The following ZNF184 variants were observed in gnomAD, a reference collection of about 807,000 sequenced individuals.
ZNF184 encodes the protein zinc finger protein 184.
ZNF184 carries 16 observed loss-of-function variants against 54.4 expected under a neutral mutation model. That is an observed-to-expected ratio of 0.29 (90% CI 0.20 to 0.45). ZNF184 has a LOEUF of 0.45. ZNF184 is among the 20% of genes least tolerant of loss of function. ZNF184 has a pLI of 1.00. For synonymous variants in ZNF184, 254 were observed against 295.3 expected, an observed-to-expected ratio of 0.86 and a Z score of 1.43; for missense variants, 681 against 888.2, an observed-to-expected ratio of 0.77 and a Z score of 2.97.
At chr6:27,411,666 G>GTCAGACCTATT in the ZNF184 span, among the ~76,000 whole-genome samples, 1 of 152,248 alleles carries the variant, frequency 6.6e-6, no homozygotes, top group African/African-American at 2.4e-5. Flanking sequence ...ATCCAGAGAA[G>GTCAGACCTATT]TCAGACCTAT....
At chr6:27,422,211 A>AGAAG in the ZNF184 span, among the ~76,000 whole-genome samples, 1 of 124,614 alleles carries the variant, frequency 8.0e-6, no homozygotes, top group Non-Finnish European at 1.7e-5. Context: ...AAAGAAAGAA[A>AGAAG]GAAAGAAAAG....
At position 27,472,201 on chromosome 6, in the gene ZNF184, C is replaced by G; in HGVS notation, c.7+87G>C. On this transcript the variant is annotated intron_variant, in intron 2 of 5. Transcript: ENST00000683788. This position sits in a 1 kb window ranked among gnomAD's most constrained non-coding sequence, Gnocchi z 4.8. ...ATACCGTTCCTTCCTTCCAAATCTCCTGCTCTGATCTCAAGTATTTGATAC... is the reference window on the plus strand; with the variant it reads ...ATACCGTTCCTTCCTTCCAAATCTCGTGCTCTGATCTCAAGTATTTGATAC... 6.4e-7 allele frequency: 1 copy of G among 1,566,112 alleles called. No individual in the cohort carries two copies. The highest frequency in any genetic ancestry group is 8.8e-7 in the Non-Finnish European group (1 of 1,142,500).
At chr6:27,421,292 A>C in the ZNF184 span, among the ~76,000 whole-genome samples, 1 of 152,248 alleles carries the variant, frequency 6.6e-6, no homozygotes, top group Admixed American at 6.5e-5. Flanking sequence ...GTACCATTGA[A>C]GGAAGTTGAT....
chr6:27,411,028 CT>C, the ZNF184 span, among the ~76,000 whole-genome samples: 2 of 152,178 alleles, frequency 1.3e-5, no homozygotes, highest in South Asian at 4.1e-4. Context: ...ACAACAAAAA[CT>C]TGTGTGGAGT....
downstream of ZNF184, among the ~76,000 whole-genome samples, chr6:27,449,819 T>C (rs929507581): frequency 6.6e-6 from 1 of 152,034 alleles, no homozygotes; most frequent in Non-Finnish European, 1.5e-5. Context: ...ATTAAGAAAC[T>C]AATGTTGGTA....
chr6:27,455,373 G>C (rs1323844800), intron 5 of ZNF184, among the ~76,000 whole-genome samples: 2 of 151,918 alleles, frequency 1.3e-5, no homozygotes, highest in Non-Finnish European at 2.9e-5. Flanking sequence ...AAATCTTTCT[G>C]GTAAAAAGTA....
the ZNF184 span, among the ~76,000 whole-genome samples, chr6:27,413,881 T>C: frequency 0.088 from 13,414 of 152,238 alleles, 742 homozygotes; most frequent in African/African-American, 0.14. Context: ...TCTCACCTTT[T>C]CTATTCAGAT....
At chr6:27,423,052 G>A in the ZNF184 span, among the ~76,000 whole-genome samples, 1 of 152,238 alleles carries the variant, frequency 6.6e-6, no homozygotes, top group Non-Finnish European at 1.5e-5. Context: ...GGCCTCGGAG[G>A]GAGGCCTAGC....
chr6:27,417,219 T>C, the ZNF184 span, among the ~76,000 whole-genome samples: 1 of 152,190 alleles, frequency 6.6e-6, no homozygotes, highest in South Asian at 2.1e-4. Context: ...TAAGAGGAAA[T>C]TACTGCACAT....
chr6:27,407,997 A>G, the ZNF184 span: 73 of 1,441,160 alleles, frequency 5.1e-5, no homozygotes, highest in Admixed American at 6.7e-5. Flanking sequence ...ACTGCAGTAG[A>G]TGTTATTTGT....
At chr6:27,422,671 G>A in the ZNF184 span, among the ~76,000 whole-genome samples, 514 of 152,220 alleles carry the variant, frequency 3.4e-3, 3 homozygotes, top group African/African-American at 0.012. Flanking sequence ...AAAAGCTCTA[G>A]GTCAGGTCTG....
At chr6:27,422,437 T>C in the ZNF184 span, among the ~76,000 whole-genome samples, 18 of 152,242 alleles carry the variant, frequency 1.2e-4, no homozygotes, top group African/African-American at 4.3e-4. Context: ...TCTTCTTCCC[T>C]TTAACCTTAT....
the ZNF184 span, among the ~76,000 whole-genome samples, chr6:27,433,995 T>TTCCTTCCTTCCTTC: frequency 2.0e-3 from 67 of 32,958 alleles, no homozygotes; most frequent in African/African-American, 6.4e-3. Flanking sequence ...CCTTCCTTCC[T>TTCCTTCCTTCCTTC]CTCTTTTCTT....
At chr6:27,424,154 C>T in the ZNF184 span, among the ~76,000 whole-genome samples, 1 of 152,162 alleles carries the variant, frequency 6.6e-6, no homozygotes, top group Non-Finnish European at 1.5e-5. Flanking sequence ...AGTGAAGCTG[C>T]AGACCTTTGC....
the ZNF184 span, among the ~76,000 whole-genome samples, chr6:27,424,865 C>T: frequency 6.6e-6 from 1 of 152,292 alleles, no homozygotes; most frequent in East Asian, 1.9e-4. Flanking sequence ...GACTGGGCGC[C>T]GTGGAACAGG....
At chr6:27,445,676 C>G in the ZNF184 span, among the ~76,000 whole-genome samples, 2 of 134,868 alleles carry the variant, frequency 1.5e-5, no homozygotes, top group African/African-American at 5.6e-5. Context: ...GCCAAATAAA[C>G]TTCTATTCTT....
downstream of ZNF184, among the ~76,000 whole-genome samples, chr6:27,445,901 G>A (rs908212155): frequency 2.6e-5 from 4 of 152,154 alleles, no homozygotes; most frequent in East Asian, 1.9e-4. Flanking sequence ...TAACAGTGAC[G>A]AACTGGGATA....
the ZNF184 span, among the ~76,000 whole-genome samples, chr6:27,442,371 G>A: frequency 0.048 from 7,331 of 152,200 alleles, 258 homozygotes; most frequent in Non-Finnish European, 0.072. Context: ...TGTAATCCCA[G>A]TATTTTGGGA....
rs1762706295 is a variant in ZNF184 at position 27,451,220 on chromosome 6, A to C, written c.*83T>G. 6.8e-7 allele frequency: 1 copy of C among 1,466,334 alleles called. No homozygotes were observed. The highest frequency in any genetic ancestry group is 9.1e-7 in the Non-Finnish European group (1 of 1,097,622). 90.8% of individuals were successfully genotyped at this position (1,466,334 alleles called of 1,614,324 possible). ...TTAAAAGATTTCAAGGCAGTTTCTA[A>C]ATCCACTCTGATTCTTCAGTACTTA... is the stretch of plus-strand genomic sequence containing the variant. On this transcript the variant is annotated 3_prime_UTR_variant, in exon 6 of 6. Coordinates refer to ENST00000683788, the MANE Select transcript of ZNF184 (RefSeq NM_001318891.2).
Sources: allele counts gnomAD v4.1 joint callset (sites outside exome capture counted in the v4.1 genomes callset), GRCh38; gene constraint gnomAD v4.1.1; non-coding constraint Gnocchi (gnomAD v3.1); transcripts MANE v1.5; gene names NCBI Gene and HGNC (gene_info 2026-07-23, HGNC 2026-07-21).